ARMH3: variants seen among roughly 807,000 people sequenced by gnomAD.
The protein encoded by ARMH3 is armadillo like helical domain containing 3.
ARMH3 carries 60 observed loss-of-function variants against 99.1 expected under a neutral mutation model. That is an observed-to-expected ratio of 0.61 (90% CI 0.49 to 0.75). ARMH3 has a LOEUF of 0.75. ARMH3 is among the 30% of genes least tolerant of loss of function. ARMH3 has a pLI of 0.00. For missense variants in ARMH3, 679 were observed against 843.1 expected (o/e 0.81, Z 2.41); for synonymous variants, 285 against 292.8 (o/e 0.97, Z 0.27).
intron 20 of ARMH3, 52 bp from the exon 21 acceptor site, chr10:101,957,784 A>G: frequency 6.6e-7 from 1 of 1,513,542 alleles, no homozygotes. Flanking sequence ...CATGATTAAT[A>G]AAGTTAAATA....
chr10:102,027,147 C>T lies in ARMH3; in HGVS notation c.415-1899G>A, dbSNP rs182804044. On this transcript the variant is annotated intron_variant, in intron 5 of 25. Coordinates refer to ENST00000370033, the MANE Select transcript of ARMH3 (RefSeq NM_024541.3). ...TACAAAAATTAGCTGAGTGTGGTGGCGCATGCCTGTAATCCCAGCTACTCA... is the reference window on the plus strand; with the variant it reads ...TACAAAAATTAGCTGAGTGTGGTGGTGCATGCCTGTAATCCCAGCTACTCA... 3.2e-4 allele frequency among the ~76,000 whole-genome samples: 48 copies of T among 152,090 alleles called. 1 individual carries two copies. Among genetic ancestry groups the T allele is most frequent in the African/African-American group, 1.1e-3 (46 of 41,492 alleles).
intron 19 of ARMH3, among the ~76,000 whole-genome samples, chr10:101,976,892 A>T (rs1441526974): frequency 6.6e-6 from 1 of 152,084 alleles, no homozygotes; most frequent in Non-Finnish European, 1.5e-5. Context: ...GCCTCAAGTG[A>T]TCCACCTGCC....
chr10:102,052,790 C>A (rs948628423), intron 1 of ARMH3, among the ~76,000 whole-genome samples: 1 of 151,934 alleles, frequency 6.6e-6, no homozygotes, highest in Non-Finnish European at 1.5e-5. Context: ...TATGCCCTCA[C>A]TCAAAGCTGG....
intron 23 of ARMH3, among the ~76,000 whole-genome samples, chr10:101,905,500 A>C (rs1311545389): frequency 6.6e-6 from 1 of 152,240 alleles, no homozygotes; most frequent in Non-Finnish European, 1.5e-5. Flanking sequence ...GGAAGCTTTC[A>C]AGGAAGGTTA....
chr10:101,915,800 CTTTTTTTTTTT>C (rs781162716), intron 23 of ARMH3, among the ~76,000 whole-genome samples: 4 of 130,860 alleles, frequency 3.1e-5, no homozygotes, highest in Non-Finnish European at 4.9e-5. Context: ...ATTGCAAGTC[CTTTTTTTTTTT>C]TTTTTTTTTT....
chr10:102,026,114 A>G (rs574718821), intron 5 of ARMH3, among the ~76,000 whole-genome samples: 6 of 152,292 alleles, frequency 3.9e-5, no homozygotes, highest in African/African-American at 1.4e-4. Context: ...TTATCACTGC[A>G]CTAAAAGCCA....
chr10:101,884,769 C>A (rs1299864766), intron 24 of ARMH3, among the ~76,000 whole-genome samples: 1 of 113,778 alleles, frequency 8.8e-6, no homozygotes, highest in Non-Finnish European at 1.9e-5. Flanking sequence ...ACAACAACAA[C>A]AAAAACAAAA....
At chr10:101,877,227 C>T (rs1166711357) in intron 24 of ARMH3, among the ~76,000 whole-genome samples, 2 of 151,982 alleles carry the variant, frequency 1.3e-5, no homozygotes, top group Non-Finnish European at 2.9e-5. Flanking sequence ...TGCTTGAGTC[C>T]GGGAGCTCGA....
intron 19 of ARMH3, 114 bp from the exon 20 acceptor site, chr10:101,975,414 A>G (rs1845951577): frequency 3.0e-6 from 2 of 674,560 alleles, no homozygotes; most frequent in South Asian, 3.2e-5. Context: ...CTGGATATGA[A>G]TATGTATACA....
At chr10:101,955,040 C>T (rs1481568416) in intron 22 of ARMH3, among the ~76,000 whole-genome samples, 2 of 152,194 alleles carry the variant, frequency 1.3e-5, no homozygotes, top group East Asian at 3.8e-4. Context: ...ACCTCTGGGG[C>T]TGCTCTTTAC....
Position 101,847,492 on chromosome 10 carries a change from T to G in ARMH3, c.*36A>C. The G allele has an allele frequency of 6.3e-7, 1 of 1,585,368 alleles. No homozygotes were observed. Among genetic ancestry groups the G allele is most frequent in the Non-Finnish European group, 8.7e-7 (1 of 1,153,996 alleles). ...CCCTCCAGCCCATGATCCTCATGGG[T>G]AAGGGCAGTCAGAGGCTGCTCAGGT... On this transcript the variant is annotated 3_prime_UTR_variant, in exon 26 of 26. Transcript: ENST00000370033.
chr10:101,988,581 A>C (rs1228202810), intron 19 of ARMH3, among the ~76,000 whole-genome samples: 1 of 152,210 alleles, frequency 6.6e-6, no homozygotes, highest in Non-Finnish European at 1.5e-5. Context: ...AATTTGTATC[A>C]TTATTTCAGA....
intron 24 of ARMH3, among the ~76,000 whole-genome samples, chr10:101,869,592 A>C (rs767787056): frequency 6.6e-6 from 1 of 152,248 alleles, no homozygotes; most frequent in South Asian, 2.1e-4. Context: ...TTAGCACAGG[A>C]AAAATTTACA....
chr10:101,983,608 G>C (rs569316513), intron 19 of ARMH3, among the ~76,000 whole-genome samples: 2 of 152,132 alleles, frequency 1.3e-5, no homozygotes, highest in Non-Finnish European at 2.9e-5. Context: ...GAAACCAAAA[G>C]TACAGGGTTT....
intron 22 of ARMH3, among the ~76,000 whole-genome samples, chr10:101,942,605 T>G (rs1461656666): frequency 6.6e-6 from 1 of 152,160 alleles, no homozygotes; most frequent in African/African-American, 2.4e-5. Flanking sequence ...CTCATGCCTG[T>G]AATCCCAGCA....
At chr10:102,014,894 A>G (rs2066711863) in intron 8 of ARMH3, among the ~76,000 whole-genome samples, 1 of 152,184 alleles carries the variant, frequency 6.6e-6, no homozygotes. Context: ...ATTCTAATCC[A>G]AGAGAGGCAA....
At chr10:102,044,126 C>T (rs1420575464) in intron 1 of ARMH3, among the ~76,000 whole-genome samples, 1 of 145,978 alleles carries the variant, frequency 6.9e-6, no homozygotes, top group Non-Finnish European at 1.5e-5. Context: ...CGGAGTCTCG[C>T]TCTGTCGCCC....
chr10:101,946,480 C>T (rs937766399), intron 22 of ARMH3, among the ~76,000 whole-genome samples: 2 of 152,136 alleles, frequency 1.3e-5, no homozygotes, highest in African/African-American at 4.8e-5. Flanking sequence ...CCACTGCACT[C>T]CAGCCAGGGT....
intron 23 of ARMH3, among the ~76,000 whole-genome samples, chr10:101,924,364 CTTT>C (rs1256731819): frequency 2.9e-5 from 4 of 138,954 alleles, no homozygotes; most frequent in African/African-American, 2.6e-5. Context: ...TTCTGCATTG[CTTT>C]TTTTTTTTTT....
Sources: gnomAD v4.1 joint callset for allele counts (sites outside exome capture counted in the v4.1 genomes callset) on GRCh38, gnomAD v4.1.1 for gene constraint, MANE v1.5 for transcripts, NCBI Gene and HGNC (gene_info 2026-07-23, HGNC 2026-07-21) for gene names.